The following CCNY variants were observed in gnomAD, a reference collection of about 807,000 sequenced individuals.
The protein encoded by CCNY is cyclin Y.
A neutral mutation model predicts 42.8 loss-of-function variants in CCNY; 19 were observed. That is an observed-to-expected ratio of 0.44 (90% CI 0.31 to 0.65). CCNY has a LOEUF of 0.65. CCNY is among the 30% of genes least tolerant of loss of function. The pLI is 0.07. For synonymous variants in CCNY, 165 were observed against 162.7 expected (o/e 1.01, Z -0.11); for missense variants, 370 against 437.3 (o/e 0.85, Z 1.37).
At chr10:35,488,829 T>C (rs554546723) in intron 2 of CCNY, among the ~76,000 whole-genome samples, 4 of 152,224 alleles carry the variant, frequency 2.6e-5, no homozygotes, top group Non-Finnish European at 5.9e-5. Context: ...CCTTTAAAAA[T>C]GTATGAACAT....
At chr10:35,319,590 AGAAGG>A (rs1226210120) in intron 3 of CCNY, among the ~76,000 whole-genome samples, 3 of 152,216 alleles carry the variant, frequency 2.0e-5, no homozygotes, top group Non-Finnish European at 4.4e-5. Flanking sequence ...GAAACTAGAA[AGAAGG>A]CCAGGCACGG....
chr10:35,323,977 A>G (rs1413348000), intron 3 of CCNY, among the ~76,000 whole-genome samples: 1 of 151,702 alleles, frequency 6.6e-6, no homozygotes, highest in African/African-American at 2.4e-5. Context: ...CTGAGATCAC[A>G]CCACTGCACT....
chr10:35,347,209 A>G (rs1327159329), intron 1 of CCNY, among the ~76,000 whole-genome samples: 3 of 152,192 alleles, frequency 2.0e-5, no homozygotes, highest in African/African-American at 4.8e-5. Context: ...GGTATGGTGT[A>G]TTTGAGTGGC....
intron 1 of CCNY, among the ~76,000 whole-genome samples, chr10:35,478,883 A>G (rs1228630914): frequency 6.6e-6 from 1 of 152,242 alleles, no homozygotes; most frequent in Non-Finnish European, 1.5e-5. Context: ...GCTAATATCC[A>G]GAATCTACAA....
At chr10:35,435,471 C>T (rs755239573) in intron 1 of CCNY, among the ~76,000 whole-genome samples, 11 of 152,162 alleles carry the variant, frequency 7.2e-5, no homozygotes, top group African/African-American at 2.2e-4. Context: ...CTCATAGGCC[C>T]GTGTGGCCCA....
chr10:35,335,695 G>A (rs1836007825), upstream of CCNY, among the ~76,000 whole-genome samples: 1 of 151,910 alleles, frequency 6.6e-6, no homozygotes, highest in Non-Finnish European at 1.5e-5. Context: ...TCTACAAAAA[G>A]TTAACACACA....
chr10:35,486,618 A>AGGAAGG (rs1299238012), intron 2 of CCNY, among the ~76,000 whole-genome samples: 4 of 152,106 alleles, frequency 2.6e-5, no homozygotes, highest in African/African-American at 9.7e-5. Context: ...GGCTTCCTTA[A>AGGAAGG]CCTTTCTCAA....
chr10:35,416,495 G>C (rs960327517), intron 1 of CCNY, among the ~76,000 whole-genome samples: 1 of 152,034 alleles, frequency 6.6e-6, no homozygotes, highest in Non-Finnish European at 1.5e-5. Flanking sequence ...ATCTAATTTT[G>C]GAAAGGGGCA....
chr10:35,468,994 A>C (rs1194849805), intron 1 of CCNY, among the ~76,000 whole-genome samples: 2 of 152,026 alleles, frequency 1.3e-5, no homozygotes, highest in African/African-American at 4.8e-5. Flanking sequence ...GTCAGTTCCA[A>C]CTCCTGTGTT....
intron 3 of CCNY, among the ~76,000 whole-genome samples, chr10:35,305,842 G>A (rs113655360): frequency 6.6e-6 from 1 of 152,174 alleles, no homozygotes; most frequent in African/African-American, 2.4e-5. Context: ...TAATGTCCCT[G>A]TGGATGGTGC....
intron 3 of CCNY, among the ~76,000 whole-genome samples, chr10:35,271,344 A>C (rs1345680953): frequency 6.6e-6 from 1 of 152,190 alleles, no homozygotes; most frequent in African/African-American, 2.4e-5. Flanking sequence ...GAGAAGCCTG[A>C]GAGTTAAAAA....
intron 1 of CCNY, among the ~76,000 whole-genome samples, chr10:35,454,999 A>G (rs1838998155): frequency 6.6e-6 from 1 of 152,194 alleles, no homozygotes; most frequent in Non-Finnish European, 1.5e-5. Context: ...ATTCCATACA[A>G]TAACCATTGA....
intron 1 of CCNY, among the ~76,000 whole-genome samples, chr10:35,413,383 A>G (rs1370986805): frequency 1.3e-5 from 2 of 152,192 alleles, no homozygotes; most frequent in African/African-American, 4.8e-5. Context: ...ACAGAGAGCA[A>G]AAATAGTGAA....
intron 1 of CCNY, among the ~76,000 whole-genome samples, chr10:35,439,953 G>A (rs574063504): frequency 6.6e-6 from 1 of 152,226 alleles, no homozygotes; most frequent in East Asian, 1.9e-4. Context: ...GTGCAGCAGT[G>A]TAGGGAGCTG....
upstream of CCNY, among the ~76,000 whole-genome samples, chr10:35,335,294 T>C (rs1835999906): frequency 6.6e-6 from 1 of 152,158 alleles, no homozygotes; most frequent in African/African-American, 2.4e-5. Context: ...CTAAGTTAAC[T>C]TGTTCCCAAC....
intron 1 of CCNY, among the ~76,000 whole-genome samples, chr10:35,477,634 A>G (rs1483049951): frequency 6.6e-6 from 1 of 150,500 alleles, no homozygotes; most frequent in African/African-American, 2.4e-5. Context: ...GATGGGACAT[A>G]TTTCAAAATA....
intron 3 of CCNY, among the ~76,000 whole-genome samples, chr10:35,327,321 A>G (rs1292307832): frequency 6.6e-6 from 1 of 152,162 alleles, no homozygotes; most frequent in Non-Finnish European, 1.5e-5. Flanking sequence ...CTATAACAAT[A>G]AATACAGATG....
At chr10:35,501,226 A>G (rs1840104127) in intron 2 of CCNY, among the ~76,000 whole-genome samples, 1 of 152,158 alleles carries the variant, frequency 6.6e-6, no homozygotes, top group Non-Finnish European at 1.5e-5. Flanking sequence ...TTTTTTATTC[A>G]GTTAATGGAA....
At chr10:35,332,258 C>T (rs1835952017), upstream of CCNY, 1 of 152,220 alleles carries the variant, frequency 6.6e-6, no homozygotes, top group Non-Finnish European at 1.5e-5. Flanking sequence ...CAGCCATACT[C>T]TGAGGAGACA....
Sources: allele counts gnomAD v4.1 joint callset (sites outside exome capture counted in the v4.1 genomes callset), GRCh38; gene constraint gnomAD v4.1.1; transcripts MANE v1.5; gene names NCBI Gene and HGNC (gene_info 2026-07-23, HGNC 2026-07-21).